Variants in CLGN observed in about 807,000 individuals in gnomAD.
CLGN encodes the protein calmegin, also known as testis tissue sperm-binding protein Li 79P.
CLGN carries 62 observed loss-of-function variants against 79.1 expected under a neutral mutation model. That is an observed-to-expected ratio of 0.78 (90% CI 0.64 to 0.97). CLGN has a LOEUF of 0.97. Ranked by LOEUF, CLGN falls within the 50% of genes least tolerant of loss-of-function variation. The pLI, the probability that CLGN is intolerant of heterozygous loss-of-function variation, is 0.00. For synonymous variants in CLGN, 225 were observed against 224.7 expected (o/e 1.00, Z -0.01); for missense variants, 647 against 715.5 (o/e 0.90, Z 1.09).
chr4:140,426,377 T>C (rs1360288442), intron 1 of CLGN, among the ~76,000 whole-genome samples: 1 of 152,264 alleles, frequency 6.6e-6, no homozygotes, highest in Non-Finnish European at 1.5e-5. Context: ...TGCATCAACA[T>C]ACTTACATCA....
At position 140,389,197 on chromosome 4, in the gene CLGN, C is replaced by T. The variant is rs756631531; in HGVS notation, c.*27G>A. ...TTTTTACAATGCCAAACATCCCTCT[C>T]GGGAATTAAAAATATTTCAATCTAG... On this transcript the variant is annotated 3_prime_UTR_variant, in exon 15 of 15. Coordinates refer to ENST00000325617, the MANE Select transcript of CLGN (RefSeq NM_004362.3). 4.0e-5 allele frequency: 63 copies of T among 1,579,450 alleles called. No homozygotes were observed. The highest frequency in any genetic ancestry group is 1.6e-4 in the East Asian group (7 of 44,654).
At position 140,392,589 on chromosome 4, in the gene CLGN, T is replaced by C. The variant is rs772132512; in HGVS notation, c.1488A>G (p.Val496=). ...GAAGGAAATCCATTTTCTTTACCTT[T>C]ACTTTTCTTGGCCAACAAAATGAAG... ...LITSFCWPRK[V]KKKHKDTEYK... Residue 496 remains valine (V), a synonymous_variant, in exon 12 of 15, where the codon GTA becomes GTG. Transcript: ENST00000325617. 2 of 1,595,910 alleles carry C rather than the reference T, an allele frequency of 1.3e-6. No individual in the cohort carries two copies. Among genetic ancestry groups the C allele is most frequent in the East Asian group, 4.5e-5 (2 of 44,672 alleles).
chr4:140,422,422 T>C lies in CLGN; in HGVS notation c.-10+5115A>G, dbSNP rs1560749727. ...GTCTTTCCATTGATTAATATTTGTT[T>C]CTTAATTTCTTTCAGCAGCATTTCA... On this transcript the variant is annotated intron_variant, in intron 1 of 14. Coordinates refer to ENST00000325617, the MANE Select transcript of CLGN (RefSeq NM_004362.3). 2.0e-5 allele frequency among the ~76,000 whole-genome samples: 3 copies of C among 152,346 alleles called. No homozygotes were observed. In the East Asian group the frequency reaches 5.8e-4, roughly 29 times the overall value.
At chr4:140,389,950 G>T (rs1396688099) in intron 14 of CLGN, among the ~76,000 whole-genome samples, 1 of 151,712 alleles carries the variant, frequency 6.6e-6, no homozygotes. Context: ...TGACTCTGTG[G>T]GGTAAGGCTA....
rs749474842 is a variant in CLGN at position 140,390,645 on chromosome 4, ACTT to A, written c.1732_1734del (p.Lys578del). On this transcript the variant is annotated inframe_deletion, in exon 14 of 15. Coordinates refer to ENST00000325617, the MANE Select transcript of CLGN (RefSeq NM_004362.3). ...TCTGTTACCTCATCCTCTGACCCAG[ACTT>A]ATTTGATTGATTACTTTCTTCTTGC... The A allele has an allele frequency of 1.3e-6, 2 of 1,595,402 alleles. No homozygotes were observed. The highest frequency in any genetic ancestry group is 1.7e-6 in the Non-Finnish European group (2 of 1,169,694).
chr4:140,400,297 A>T, intron 7 of CLGN, 60 bp downstream of exon 7: 1 of 1,256,024 alleles, frequency 8.0e-7, no homozygotes, highest in Non-Finnish European at 1.1e-6. Flanking sequence ...AGCACTTGCC[A>T]TGAATACATC....
intron 5 of CLGN, 98 bp from the exon 6 acceptor site, chr4:140,402,164 A>AT: frequency 1.7e-6 from 1 of 594,992 alleles, no homozygotes; most frequent in Non-Finnish European, 2.8e-6. Context: ...GTAAGTATAA[A>AT]TTTTTTTACA....
intron 5 of CLGN, 53 bp from the exon 6 acceptor site, chr4:140,402,119 C>A: frequency 2.2e-6 from 2 of 910,078 alleles, no homozygotes; most frequent in Non-Finnish European, 3.4e-6. Flanking sequence ...TTACTAGTTG[C>A]TCTTTAAAAT....
rs1728725731 is a variant in CLGN, at chr4:140,389,055, G to T, written c.*169C>A. 1 of 583,388 alleles carries T rather than the reference G, an allele frequency of 1.7e-6. No homozygotes were observed. Among genetic ancestry groups the T allele is most frequent in the Non-Finnish European group, 3.0e-6 (1 of 330,552 alleles). 36.1% of individuals were successfully genotyped at this position (583,388 alleles called of 1,614,324 possible). On this transcript the variant is annotated 3_prime_UTR_variant, in exon 15 of 15. Coordinates refer to ENST00000325617, the MANE Select transcript of CLGN (RefSeq NM_004362.3). ...AATTCAAAGATGAGGTAACTTCAAA[G>T]TTGCTTCTTTTTCCTCTGAAATGAA...
chr4:140,394,080 A>G, intron 10 of CLGN, 39 bp from the exon 11 acceptor site: 1 of 1,433,824 alleles, frequency 7.0e-7, no homozygotes, highest in Non-Finnish European at 9.7e-7. Flanking sequence ...CAAATAAAAT[A>G]ACTTCATTAT....
chr4:140,396,498 C>T (rs1465543948), intron 8 of CLGN, among the ~76,000 whole-genome samples: 1 of 151,918 alleles, frequency 6.6e-6, no homozygotes, highest in Non-Finnish European at 1.5e-5. Context: ...CTCAGTCATT[C>T]ATCAACAAAT....
At chr4:140,407,252 A>T (rs1455256381) in intron 4 of CLGN, among the ~76,000 whole-genome samples, 3 of 152,080 alleles carry the variant, frequency 2.0e-5, no homozygotes, top group African/African-American at 7.2e-5. Context: ...ATTATCACTA[A>T]CTTGTAGTTT....
chr4:140,422,849 T>G (rs1030649751), intron 1 of CLGN, among the ~76,000 whole-genome samples: 2 of 152,138 alleles, frequency 1.3e-5, no homozygotes, highest in African/African-American at 4.8e-5. Flanking sequence ...ACTCCTAGAC[T>G]CAACTGATCT....
At chr4:140,408,842 C>CT (rs1408968189) in intron 4 of CLGN, among the ~76,000 whole-genome samples, 1 of 139,988 alleles carries the variant, frequency 7.1e-6, no homozygotes. Context: ...TGGTGGTGTC[C>CT]TTTTTGGAGT....
intron 1 of CLGN, among the ~76,000 whole-genome samples, chr4:140,420,308 T>G (rs187258182): frequency 1.9e-4 from 29 of 152,278 alleles, no homozygotes; most frequent in African/African-American, 7.0e-4. Flanking sequence ...TAGAAATAGT[T>G]GCCAATGCTT....
In CLGN at chr4:140,425,433, T is replaced by TGTGG. The variant is rs1386886225; in HGVS notation, c.-10+2103_-10+2104insCCAC. ...TCAGAGAAGCAGAATCAATAGGGTGTGTGTGTGTGTGTGTGTGTGTGTGTG... is the reference window on the plus strand; with the variant it reads ...TCAGAGAAGCAGAATCAATAGGGTGTGTGGGTGTGTGTGTGTGTGTGTGTGTGTG... On this transcript the variant is annotated intron_variant, in intron 1 of 14. Coordinates refer to ENST00000325617, the MANE Select transcript of CLGN (RefSeq NM_004362.3). 2.0e-3 allele frequency among the ~76,000 whole-genome samples: 152 copies of TGTGG among 76,150 alleles called. 2 individuals carry two copies. The highest frequency in any genetic ancestry group is 6.4e-3 in the East Asian group (20 of 3,120). The allele number at this position is 76,150 out of a possible 152,430, so 50.0% of individuals were successfully genotyped here.
At chr4:140,421,317 C>T (rs990138345) in intron 1 of CLGN, among the ~76,000 whole-genome samples, 3 of 151,858 alleles carry the variant, frequency 2.0e-5, no homozygotes, top group African/African-American at 7.3e-5. Flanking sequence ...GAGTATATAC[C>T]CATAAGTTGA....
At chr4:140,398,382 G>A (rs754127548) in intron 8 of CLGN, among the ~76,000 whole-genome samples, 20 of 145,768 alleles carry the variant, frequency 1.4e-4, no homozygotes, top group Admixed American at 9.5e-4. Flanking sequence ...CAATTCTCCT[G>A]CCTCAGCCTC....
intron 1 of CLGN, among the ~76,000 whole-genome samples, chr4:140,418,530 AAAGTGGGCG>A (rs1252360269): frequency 6.8e-6 from 1 of 147,320 alleles, no homozygotes; most frequent in Non-Finnish European, 1.5e-5. Context: ...ACCCCATCAA[AAAGTGGGCG>A]AAGGACATGA....
Sources: allele counts gnomAD v4.1 joint callset (sites outside exome capture counted in the v4.1 genomes callset), GRCh38; gene constraint gnomAD v4.1.1; transcripts MANE v1.5; gene names NCBI Gene and HGNC (gene_info 2026-07-23, HGNC 2026-07-21).